SPATS2: variants seen among roughly 807,000 people sequenced by gnomAD.
SPATS2 encodes the protein spermatogenesis-associated serine-rich protein 2.
In SPATS2, 38 loss-of-function variants were observed where a neutral mutation model predicts 63.7. The ratio of observed to expected loss-of-function variants is 0.60; its 90% confidence interval spans 0.46 to 0.78. The LOEUF (loss-of-function observed/expected upper bound fraction) is 0.78. SPATS2 is among the 30% of genes least tolerant of loss of function. The probability of loss-of-function intolerance (pLI) is 0.00; values close to 1 mark genes in which losing one functional copy is unlikely to be tolerated. For missense variants in SPATS2, 588 were observed against 666.2 expected (o/e 0.88, Z 1.29); for synonymous variants, 207 against 232.9 (o/e 0.89, Z 1.01).
At chr12:49,450,415 T>C (rs1945598964) in intron 2 of SPATS2, among the ~76,000 whole-genome samples, 1 of 151,980 alleles carries the variant, frequency 6.6e-6, no homozygotes, top group African/African-American at 2.4e-5. Context: ...GGTTAATTTT[T>C]TGTATTTTTT....
At chr12:49,426,605 G>A (rs1436694733) in intron 2 of SPATS2, among the ~76,000 whole-genome samples, 2 of 151,968 alleles carry the variant, frequency 1.3e-5, no homozygotes, top group African/African-American at 2.4e-5. Context: ...GTGCAGTGGC[G>A]CCATCTTGGC....
intron 2 of SPATS2, among the ~76,000 whole-genome samples, chr12:49,399,475 T>C (rs1302390014): frequency 6.6e-6 from 1 of 152,094 alleles, no homozygotes; most frequent in Non-Finnish European, 1.5e-5. Context: ...TACATGAGAA[T>C]GGAAATGAGA....
chr12:49,496,995 C>T lies in SPATS2; in HGVS notation c.689C>T (p.Thr230Ile), dbSNP rs755841105. Residue 230 changes from threonine (T) to isoleucine (I), a missense_variant, in exon 8 of 14, where the codon ACC becomes ATC. Physicochemically the swap from Thr to Ile is moderately conservative, Grantham distance 89. Coordinates refer to ENST00000552918, the MANE Select transcript of SPATS2 (RefSeq NM_023071.4). Reference protein sequence around the residue: ...NMGMEDVPLATSKKLSSNIEK... With the variant: ...NMGMEDVPLAISKKLSSNIEK... The stretch of plus-strand genomic sequence containing the variant: ...GGGATGGAAGATGTTCCCCTCGCCA[C>T]CAGTAAAAAGCTAAGTAAGTCAGAG... 1.4e-5 allele frequency: 21 copies of T among 1,553,032 alleles called. No individual in the cohort carries two copies. The African/African-American group carries it at 2.7e-4, about 20-fold the overall frequency.
chr12:49,526,243 C>T lies in SPATS2; in HGVS notation c.1626C>T (p.Ala542=), dbSNP rs139811663. The change falls in exon 14 of 14, where the codon GCC becomes GCT. Residue 542 remains alanine (A), a synonymous_variant. Coordinates refer to ENST00000552918, the MANE Select transcript of SPATS2 (RefSeq NM_023071.4). ...QRKPRTSQTE[A]VNS ...AACCCAGGACCTCTCAGACTGAAGC[C>T]GTGAACTCTTGAGAGAAAATCCAGT... The T allele has an allele frequency of 2.2e-5, 36 of 1,608,066 alleles. No individual in the cohort carries two copies. In the African/African-American group the frequency reaches 2.5e-4, roughly 11 times the overall value.
intron 6 of SPATS2, among the ~76,000 whole-genome samples, chr12:49,492,987 A>G (rs566216837): frequency 6.6e-6 from 1 of 151,758 alleles, no homozygotes; most frequent in African/African-American, 2.4e-5. Flanking sequence ...AATCCCAGCT[A>G]CTCGGGAGGC....
intron 3 of SPATS2, among the ~76,000 whole-genome samples, chr12:49,474,365 T>G (rs1045623114): frequency 1.4e-4 from 22 of 152,126 alleles, no homozygotes; most frequent in African/African-American, 5.1e-4. Context: ...GGTTAATGAG[T>G]GAAGAGTGAC....
At chr12:49,440,606 C>T (rs57845354) in intron 2 of SPATS2, among the ~76,000 whole-genome samples, 4,100 of 151,872 alleles carry the variant, frequency 0.027, 203 homozygotes, top group African/African-American at 0.092. Flanking sequence ...GTAGCTGGGA[C>T]GACAGGCGCA....
chr12:49,519,246 A>G lies in SPATS2; in HGVS notation c.1008+64A>G, dbSNP rs11169055. 3,656 of 1,325,678 alleles carry G rather than the reference A, an allele frequency of 2.8e-3. 90 individuals are homozygous for G. The African/African-American group carries it at 0.048, about 17-fold the overall frequency. 82.1% of individuals were successfully genotyped at this position (1,325,678 alleles called of 1,614,324 possible). A position where few individuals can be genotyped will look rare whatever the true frequency, so the allele number is the denominator to read the frequency against. On this transcript the variant is annotated intron_variant, in intron 11 of 13. Transcript: ENST00000552918. Reference sequence around the variant, plus strand: ...TCAGGGGCTAAAGTAAGAAATTTTCATAATTCATGGCCATATCTAATATAT... The same window carrying G: ...TCAGGGGCTAAAGTAAGAAATTTTCGTAATTCATGGCCATATCTAATATAT...
chr12:49,445,345 C>G (rs1238362217), intron 2 of SPATS2, among the ~76,000 whole-genome samples: 2 of 152,042 alleles, frequency 1.3e-5, no homozygotes, highest in African/African-American at 2.4e-5. Context: ...CTGAGATGAT[C>G]ATGTGACTTT....
rs1946477123 is a variant in SPATS2 at position 49,497,159 on chromosome 12, T to G, written c.703+150T>G. ...CAGACAGTGACTGACTACTCAGCCC[T>G]TCCCCTAACCTTTGTGTACACAGTT... On this transcript the variant is annotated intron_variant, in intron 8 of 13. Coordinates refer to ENST00000552918, the MANE Select transcript of SPATS2 (RefSeq NM_023071.4). The G allele has an allele frequency of 4.9e-5, 37 of 753,998 alleles. No homozygotes were observed. In the South Asian group the frequency reaches 7.4e-4, roughly 15 times the overall value. The allele number at this position is 753,998 out of a possible 1,614,324, so 46.7% of individuals were successfully genotyped here. A position where few individuals can be genotyped will look rare whatever the true frequency, so the allele number is the denominator to read the frequency against.
intron 9 of SPATS2, among the ~76,000 whole-genome samples, chr12:49,502,440 T>G (rs2137960717): frequency 6.6e-6 from 1 of 152,286 alleles, no homozygotes; most frequent in Middle Eastern, 3.4e-3. Context: ...GAATTTAATG[T>G]CATGTCTTCT....
At chr12:49,474,845 G>A (rs1946092908) in intron 3 of SPATS2, among the ~76,000 whole-genome samples, 1 of 152,220 alleles carries the variant, frequency 6.6e-6, no homozygotes, top group Non-Finnish European at 1.5e-5. Context: ...ACAAAAGAAA[G>A]AGGTTTATTG....
Position 49,489,541 on chromosome 12 carries a change from G to T in SPATS2, c.182G>T (p.Cys61Phe). 4 of 1,613,818 alleles carry T rather than the reference G, an allele frequency of 2.5e-6. No homozygotes were observed. Among genetic ancestry groups the T allele is most frequent in the Non-Finnish European group, 3.4e-6 (4 of 1,179,842 alleles). The change falls in exon 5 of 14, where the codon TGT (cysteine) becomes TTT (phenylalanine). Residue 61 changes from cysteine to phenylalanine, a missense_variant. Physicochemically the swap from Cys to Phe is radical, Grantham distance 205. Transcript: ENST00000552918. The part of the protein sequence containing the change: ...IILVLQHFDN[C>F]VDKTVQAFME... Reference sequence around the variant, plus strand: ...CTGGTTTTGCAGCACTTTGATAACTGTGTGGACAAAACAGTACAAGCATTC... The same window carrying T: ...CTGGTTTTGCAGCACTTTGATAACTTTGTGGACAAAACAGTACAAGCATTC...
intron 8 of SPATS2, 25 bp from the exon 9 acceptor site, chr12:49,500,045 T>TA (rs11447993): frequency 2.1e-6 from 3 of 1,399,610 alleles, no homozygotes; most frequent in African/African-American, 3.0e-5. Flanking sequence ...TTTTTTTTTT[T>TA]AATATTTCGG....
chr12:49,486,760 G>A (rs374064299), intron 4 of SPATS2, among the ~76,000 whole-genome samples: 2 of 147,686 alleles, frequency 1.4e-5, no homozygotes, highest in Non-Finnish European at 1.5e-5. Context: ...CAGCTTAGGC[G>A]ACAGAGCGAG....
At chr12:49,388,770 C>T (rs1004175117) in intron 2 of SPATS2, among the ~76,000 whole-genome samples, 2 of 151,510 alleles carry the variant, frequency 1.3e-5, no homozygotes, top group African/African-American at 4.9e-5. Flanking sequence ...TCCTAGCTCA[C>T]TTCAGCCTCA....
chr12:49,450,351 G>A (rs539220557), intron 2 of SPATS2, among the ~76,000 whole-genome samples: 3 of 151,860 alleles, frequency 2.0e-5, no homozygotes, highest in African/African-American at 7.3e-5. Context: ...CTGGGTTCAC[G>A]CCATTCTCCT....
At chr12:49,479,559 C>T (rs1031640266) in intron 3 of SPATS2, among the ~76,000 whole-genome samples, 5 of 152,122 alleles carry the variant, frequency 3.3e-5, no homozygotes, top group African/African-American at 7.2e-5. Context: ...CTTCATGGAG[C>T]GGGAGGCCTG....
intron 2 of SPATS2, among the ~76,000 whole-genome samples, chr12:49,397,694 G>A (rs1298695207): frequency 6.6e-6 from 1 of 151,932 alleles, no homozygotes; most frequent in Non-Finnish European, 1.5e-5. Flanking sequence ...GCTGGATATG[G>A]TAGTGCATGC....
Sources: gnomAD v4.1 joint callset for allele counts (sites outside exome capture counted in the v4.1 genomes callset) on GRCh38, gnomAD v4.1.1 for gene constraint, MANE v1.5 for transcripts, NCBI Gene and HGNC (gene_info 2026-07-23, HGNC 2026-07-21) for gene names.